LEO1: variants seen among roughly 807,000 people sequenced by gnomAD.
The protein encoded by LEO1 is RNA polymerase-associated protein LEO1.
LEO1 carries 34 observed loss-of-function variants against 80.4 expected under a neutral mutation model. That is an observed-to-expected ratio of 0.42 (90% CI 0.32 to 0.56). LEO1 has a LOEUF of 0.56. LEO1 is among the 20% of genes least tolerant of loss of function. The pLI is 0.10. For missense variants in LEO1, 631 were observed against 814.2 expected (o/e 0.77, Z 2.74); for synonymous variants, 262 against 274.9 (o/e 0.95, Z 0.46).
At chr15:51,938,289 C>CAAGT in intron 11 of LEO1, 29 bp from the exon 12 acceptor site, 1 of 1,317,454 alleles carries the variant, frequency 7.6e-7, no homozygotes, top group Middle Eastern at 1.8e-4. Context: ...TACAAATCTA[C>CAAGT]AAGTCAATAA....
In LEO1 at chr15:51,938,051, TA is replaced by T; in HGVS notation, c.*104del. The T allele has an allele frequency of 1.5e-6, 1 of 645,332 alleles. No individual in the cohort carries two copies. Among genetic ancestry groups the T allele is most frequent in the South Asian group, 2.3e-5 (1 of 43,428 alleles). The allele number at this position is 645,332 out of a possible 1,614,324, so 40.0% of individuals were successfully genotyped here. A position where few individuals can be genotyped will look rare whatever the true frequency, so the allele number is the denominator to read the frequency against. On this transcript the variant is annotated 3_prime_UTR_variant, in exon 12 of 12. Transcript: ENST00000299601. ...TGCTTTTAAATTGTTTTATTACAAT[TA>T]AAATTACACAAAAGCAAATCGATTC...
At chr15:51,943,167 C>T (rs1404235332) in intron 11 of LEO1, among the ~76,000 whole-genome samples, 1 of 151,830 alleles carries the variant, frequency 6.6e-6, no homozygotes, top group Non-Finnish European at 1.5e-5. Flanking sequence ...ATCATGAGGT[C>T]AGCAGTTCAA....
chr15:51,958,464 A>G (rs1258788857), intron 6 of LEO1, among the ~76,000 whole-genome samples: 1 of 152,222 alleles, frequency 6.6e-6, no homozygotes, highest in Non-Finnish European at 1.5e-5. Context: ...CAAAATAAAA[A>G]GATGAAACTT....
intron 6 of LEO1, among the ~76,000 whole-genome samples, chr15:51,957,427 A>G (rs1566884889): frequency 6.6e-6 from 1 of 152,180 alleles, no homozygotes; most frequent in Non-Finnish European, 1.5e-5. Context: ...GGGCTAATAA[A>G]CAGATGAGTA....
At chr15:51,954,353 A>T in intron 7 of LEO1, 128 bp downstream of exon 7, 1 of 639,096 alleles carries the variant, frequency 1.6e-6, no homozygotes, top group East Asian at 2.7e-5. Flanking sequence ...TTACACTCCA[A>T]CATGGGCAAC....
At position 51,966,071 on chromosome 15, in the gene LEO1, A is replaced by C; in HGVS notation, c.492T>G (p.Asp164Glu). The C allele has an allele frequency of 6.2e-7, 1 of 1,613,922 alleles. No homozygotes were observed. Residue 164 changes from aspartate to glutamate, a missense_variant, in exon 2 of 12, where the codon GAT (aspartate) becomes GAG (glutamate). Physicochemically the swap from Asp to Glu is conservative, Grantham distance 45. Coordinates refer to ENST00000299601, the MANE Select transcript of LEO1 (RefSeq NM_138792.4). ...CATCAGATCCTTGTGCCCTCTCCTCATCATCAGAATTTTGTATCTTTTCAT... is the reference window on the plus strand; with the variant it reads ...CATCAGATCCTTGTGCCCTCTCCTCCTCATCAGAATTTTGTATCTTTTCAT... ...SDDEKIQNSD[D>E]EERAQGSDED... is the part of the protein sequence containing the mutation.
chr15:51,957,046 C>G (rs1406866418), intron 6 of LEO1, among the ~76,000 whole-genome samples: 2 of 152,036 alleles, frequency 1.3e-5, no homozygotes, highest in East Asian at 3.8e-4. Context: ...TCAGGCTGGT[C>G]TGAAACTCCT....
intron 10 of LEO1, 89 bp downstream of exon 10, chr15:51,949,717 GTC>G: frequency 1.5e-6 from 1 of 676,168 alleles, no homozygotes; most frequent in Non-Finnish European, 2.2e-6. Flanking sequence ...AAAAAAAAAA[GTC>G]CAGTGACTTG....
chr15:51,957,175 AAT>A (rs1305379428), intron 6 of LEO1, among the ~76,000 whole-genome samples: 11 of 152,190 alleles, frequency 7.2e-5, no homozygotes, highest in Non-Finnish European at 1.6e-4. Flanking sequence ...CTAAAAATAT[AAT>A]AGATATATTG....
chr15:51,949,828 C>G lies in LEO1; in HGVS notation c.1778G>C (p.Arg593Pro). ...CTCACCTCGAATGCCCCCTTTATAT[C>G]GGTTTTTAATGGCAGCCAAGCTGAT... is the stretch of plus-strand genomic sequence containing the variant. ...ESISLAAIKN[R>P]YKGGIREERA... is the part of the protein sequence containing the mutation. The change falls in exon 10 of 12, where the codon CGA (arginine) becomes CCA (proline). Residue 593 changes from arginine to proline, a missense_variant. By Grantham distance (103) the Arg-to-Pro change is moderately radical. Transcript: ENST00000299601. 6.2e-7 allele frequency: 1 copy of G among 1,613,576 alleles called. No homozygotes were observed. Among genetic ancestry groups the G allele is most frequent in the South Asian group, 1.1e-5 (1 of 91,054 alleles).
At chr15:51,940,254 CAAAAAAAAAAAA>C (rs745641318) in intron 11 of LEO1, among the ~76,000 whole-genome samples, 1 of 37,934 alleles carries the variant, frequency 2.6e-5, no homozygotes, top group African/African-American at 1.0e-4. Flanking sequence ...GACTCCGTAT[CAAAAAAAAAAAA>C]AAAAAAAAAA....
At chr15:51,948,182 C>T (rs372542713) in intron 10 of LEO1, among the ~76,000 whole-genome samples, 2 of 152,116 alleles carry the variant, frequency 1.3e-5, no homozygotes, top group Non-Finnish European at 2.9e-5. Context: ...GAATAAGAGC[C>T]GAGGACTTTA....
At chr15:51,969,401 G>A (rs1173278542) in intron 1 of LEO1, among the ~76,000 whole-genome samples, 4 of 152,052 alleles carry the variant, frequency 2.6e-5, no homozygotes, top group African/African-American at 4.8e-5. Context: ...GTGAGAGGCC[G>A]AGGCAGGCAG....
At chr15:51,944,244 C>A (rs548483187) in intron 11 of LEO1, among the ~76,000 whole-genome samples, 5 of 152,036 alleles carry the variant, frequency 3.3e-5, no homozygotes, top group African/African-American at 1.2e-4. Context: ...AATCTCAAGA[C>A]GATAAAGAGC....
rs200968935 is a variant in LEO1 at position 51,958,854 on chromosome 15, T to C, written c.1161-28A>G. The stretch of plus-strand genomic sequence containing the variant: ...ACAAATTGTTTTCCAAATAAACTAT[T>C]AATCATATTTTATAAAGAATATTAC... On this transcript the variant is annotated intron_variant, in intron 5 of 11. Transcript: ENST00000299601. The C allele has an allele frequency of 9.8e-4, 1,205 of 1,225,078 alleles. 2 individuals carry two copies. Among genetic ancestry groups the C allele is most frequent in the Non-Finnish European group, 9.7e-4 (829 of 852,798 alleles). The allele number at this position is 1,225,078 out of a possible 1,614,324, so 75.9% of individuals were successfully genotyped here. A position where few individuals can be genotyped will look rare whatever the true frequency, so the allele number is the denominator to read the frequency against.
intron 10 of LEO1, among the ~76,000 whole-genome samples, chr15:51,947,949 G>C (rs2056916037): frequency 3.3e-5 from 5 of 152,130 alleles, no homozygotes; most frequent in Admixed American, 3.3e-4. Context: ...TGTGTGCAAG[G>C]TGTCTAAAGA....
chr15:51,951,702 A>C, intron 9 of LEO1, 142 bp downstream of exon 9: 1 of 682,746 alleles, frequency 1.5e-6, no homozygotes, highest in Non-Finnish European at 2.4e-6. Flanking sequence ...GCAAATGCTG[A>C]GGAAATGAAT....
rs900201128 is a variant in LEO1, at chr15:51,953,623, G to GA, written c.1341-361dup. 5.0e-3 allele frequency among the ~76,000 whole-genome samples: 715 copies of GA among 142,910 alleles called. 7 individuals carry two copies. The highest frequency in any genetic ancestry group is 0.015 in the African/African-American group (576 of 39,000). 93.8% of individuals were successfully genotyped at this position (142,910 alleles called of 152,430 possible). On this transcript the variant is annotated intron_variant, in intron 7 of 11. Coordinates refer to ENST00000299601, the MANE Select transcript of LEO1 (RefSeq NM_138792.4). ...CGACAGGACAAGACTCCATCTCAAGGAAAAAAAAAAACAAAACAAAACAGG... is the reference window on the plus strand; with the variant it reads ...CGACAGGACAAGACTCCATCTCAAGGAAAAAAAAAAAACAAAACAAAACAGG...
intron 11 of LEO1, among the ~76,000 whole-genome samples, chr15:51,943,528 C>T (rs187725509): frequency 7.8e-4 from 117 of 150,614 alleles, no homozygotes; most frequent in Non-Finnish European, 1.3e-3. Context: ...GGTGAAACCC[C>T]GTCTCTACTA....
Sources: gnomAD v4.1 joint callset for allele counts (sites outside exome capture counted in the v4.1 genomes callset) on GRCh38, gnomAD v4.1.1 for gene constraint, MANE v1.5 for transcripts, NCBI Gene and HGNC (gene_info 2026-07-23, HGNC 2026-07-21) for gene names.